The following SIPA1L2 variants were observed in gnomAD, a reference collection of about 807,000 sequenced individuals.
SIPA1L2 encodes the protein signal induced proliferation associated 1 like 2, also known as signal-induced proliferation-associated 1-like protein 2.
A neutral mutation model predicts 163.9 loss-of-function variants in SIPA1L2; 56 were observed. That is an observed-to-expected ratio of 0.34 (90% CI 0.28 to 0.43). The LOEUF (loss-of-function observed/expected upper bound fraction) is 0.43. Ranked by LOEUF, SIPA1L2 falls within the 20% of genes least tolerant of loss-of-function variation. The pLI, the probability that SIPA1L2 is intolerant of heterozygous loss-of-function variation, is 1.00. For synonymous variants in SIPA1L2, 877 were observed against 865.7 expected (o/e 1.01, Z -0.23); for missense variants, 1,974 against 2,193.5 (o/e 0.90, Z 2.00).
chr1:232,568,513 A>T (rs949427503), intron 2 of SIPA1L2, among the ~76,000 whole-genome samples: 3 of 152,116 alleles, frequency 2.0e-5, no homozygotes, highest in African/African-American at 7.2e-5. Context: ...TAAGGACCAA[A>T]TCTTACTTTG....
chr1:232,520,524 T>C (rs1401636699), intron 2 of SIPA1L2, among the ~76,000 whole-genome samples: 1 of 152,210 alleles, frequency 6.6e-6, no homozygotes, highest in Non-Finnish European at 1.5e-5. Flanking sequence ...CAGTGAGTCT[T>C]TAAGACCAAT....
intron 3 of SIPA1L2, among the ~76,000 whole-genome samples, chr1:232,501,088 C>T (rs1190248781): frequency 2.3e-5 from 2 of 87,760 alleles, no homozygotes; most frequent in African/African-American, 7.8e-5. Flanking sequence ...GACAGAGTCT[C>T]GCTCTGTCGC....
chr1:232,586,645 TAAC>T (rs752330176), intron 1 of SIPA1L2, among the ~76,000 whole-genome samples: 24 of 152,324 alleles, frequency 1.6e-4, no homozygotes, highest in Middle Eastern at 3.4e-3. Context: ...TCTATAGAAA[TAAC>T]AAGATATTCT....
chr1:232,439,621 G>T, intron 14 of SIPA1L2, 125 bp from the exon 15 acceptor site: 1 of 1,117,882 alleles, frequency 8.9e-7, no homozygotes, highest in Non-Finnish European at 1.3e-6. Context: ...TCTTCAATGT[G>T]GGCAATGACA....
chr1:232,503,051 T>A (rs2103020948), intron 3 of SIPA1L2, among the ~76,000 whole-genome samples: 1 of 152,308 alleles, frequency 6.6e-6, no homozygotes, highest in East Asian at 1.9e-4. Flanking sequence ...CAGGGTTGTG[T>A]GCATTCAGAC....
intron 3 of SIPA1L2, among the ~76,000 whole-genome samples, chr1:232,511,453 T>C (rs1000816808): frequency 6.6e-6 from 1 of 152,176 alleles, no homozygotes; most frequent in African/African-American, 2.4e-5. Context: ...ATTTCTCTGA[T>C]TCATGTTGTC....
intron 3 of SIPA1L2, among the ~76,000 whole-genome samples, chr1:232,508,765 C>A (rs920249034): frequency 2.6e-5 from 4 of 152,332 alleles, no homozygotes; most frequent in Non-Finnish European, 5.9e-5. Flanking sequence ...ATTGGGCATT[C>A]ACTCTACTTG....
intron 5 of SIPA1L2, 37 bp from the exon 6 acceptor site, chr1:232,484,003 A>G: frequency 6.4e-7 from 1 of 1,572,052 alleles, no homozygotes; most frequent in Non-Finnish European, 8.6e-7. Flanking sequence ...TTGGCAAAGC[A>G]TATCAGACAA....
intron 18 of SIPA1L2, among the ~76,000 whole-genome samples, chr1:232,419,606 C>T (rs1214093900): frequency 6.6e-6 from 1 of 152,028 alleles, no homozygotes; most frequent in Admixed American, 6.5e-5. Flanking sequence ...TGTCTTGCTC[C>T]TTCTCTTGCT....
At chr1:232,546,177 G>C (rs539996055) in intron 2 of SIPA1L2, among the ~76,000 whole-genome samples, 38 of 152,308 alleles carry the variant, frequency 2.5e-4, no homozygotes, top group African/African-American at 8.9e-4. Flanking sequence ...AGTGCACTCT[G>C]CATTTCCTAG....
At chr1:232,516,737 T>C (rs1167763569) in intron 2 of SIPA1L2, among the ~76,000 whole-genome samples, 6 of 152,114 alleles carry the variant, frequency 3.9e-5, no homozygotes, top group Admixed American at 6.6e-5. Flanking sequence ...AGGAGTCCAC[T>C]GGAAAGAGTT....
chr1:232,401,095 G>GC (rs1001321780), intron 22 of SIPA1L2, among the ~76,000 whole-genome samples: 1 of 151,898 alleles, frequency 6.6e-6, no homozygotes, highest in Non-Finnish European at 1.5e-5. Context: ...CCCTGTACAC[G>GC]CCCCAGGGTC....
chr1:232,410,939 G>A (rs1660918226), intron 19 of SIPA1L2, among the ~76,000 whole-genome samples: 2 of 152,182 alleles, frequency 1.3e-5, no homozygotes, highest in Admixed American at 6.5e-5. Context: ...AACCAGCCAA[G>A]TAGCCTGCCA....
intron 1 of SIPA1L2, among the ~76,000 whole-genome samples, chr1:232,614,541 G>T (rs909928065): frequency 4.6e-5 from 7 of 152,196 alleles, no homozygotes; most frequent in African/African-American, 1.7e-4. Flanking sequence ...CTGCTTAGCC[G>T]CAGCTACTGC....
intron 19 of SIPA1L2, among the ~76,000 whole-genome samples, chr1:232,405,368 A>G (rs896579246): frequency 6.6e-6 from 1 of 152,254 alleles, no homozygotes; most frequent in Non-Finnish European, 1.5e-5. Context: ...TAAACATTCT[A>G]TAACTATACA....
intron 10 of SIPA1L2, among the ~76,000 whole-genome samples, chr1:232,457,322 G>A (rs1489428122): frequency 1.3e-5 from 2 of 152,108 alleles, no homozygotes; most frequent in South Asian, 2.1e-4. Flanking sequence ...TTTCTAAAAC[G>A]GGAGTTGATA....
intron 8 of SIPA1L2, among the ~76,000 whole-genome samples, chr1:232,466,371 T>C (rs12117117): frequency 0.19 from 28,483 of 152,182 alleles, 2,832 homozygotes; most frequent in Non-Finnish European, 0.21. Context: ...ATCAAATGCA[T>C]AGTGTTAATA....
At position 232,425,582 on chromosome 1, in the gene SIPA1L2, CACTT is replaced by C. The variant is rs1661843440; in HGVS notation, c.4630+3_4630+6del. 6.4e-7 allele frequency: 1 copy of C among 1,562,682 alleles called. No individual in the cohort carries two copies. The highest frequency in any genetic ancestry group is 8.7e-7 in the Non-Finnish European group (1 of 1,149,704). ...GCTGGCCAGGGAGCAGCCAGCCCCT[CACTT>C]ACTTCTCAGGCTCCCCATGCTGGGT... is the stretch of plus-strand genomic sequence containing the variant. On this transcript the variant is annotated splice_donor_5th_base_variant and intron_variant, in intron 18 of 22. Transcript: ENST00000674635.
At chr1:232,473,659 C>G (rs1483339800) in intron 7 of SIPA1L2, among the ~76,000 whole-genome samples, 1 of 152,182 alleles carries the variant, frequency 6.6e-6, no homozygotes, top group African/African-American at 2.4e-5. Context: ...GACAACATGC[C>G]AAACCACTGT....
Sources: gnomAD v4.1 joint callset for allele counts (sites outside exome capture counted in the v4.1 genomes callset) on GRCh38, gnomAD v4.1.1 for gene constraint, MANE v1.5 for transcripts, NCBI Gene and HGNC (gene_info 2026-07-23, HGNC 2026-07-21) for gene names.